The following CYP2J2 variants were observed in gnomAD, a reference collection of about 807,000 sequenced individuals.
CYP2J2 encodes cytochrome P450 2J2.
CYP2J2 carries 41 observed loss-of-function variants against 48.8 expected under a neutral mutation model. That is an observed-to-expected ratio of 0.84 (90% CI 0.66 to 1.09). The LOEUF is 1.09. Among genes scored for constraint, CYP2J2 ranks in the 50% least tolerant of loss-of-function variants. The probability of loss-of-function intolerance (pLI) is 0.00; values close to 1 mark genes in which losing one functional copy is unlikely to be tolerated. For missense variants in CYP2J2, 644 were observed against 617.3 expected (o/e 1.04, Z -0.46); for synonymous variants, 221 against 227.1 (o/e 0.97, Z 0.24).
chr1:59,901,168 G>A (rs1226168854), intron 7 of CYP2J2, 65 bp from the exon 8 acceptor site: 1 of 1,557,886 alleles, frequency 6.4e-7, no homozygotes. Flanking sequence ...ATGCAGAGGG[G>A]TGGTCATCCT....
chr1:59,959,102 C>T, the CYP2J2 span, among the ~76,000 whole-genome samples: 3 of 152,134 alleles, frequency 2.0e-5, no homozygotes, highest in Non-Finnish European at 4.4e-5. Context: ...AAAGATTTCC[C>T]TCCTGCAATT....
At chr1:59,944,382 C>T in the CYP2J2 span, among the ~76,000 whole-genome samples, 1 of 152,156 alleles carries the variant, frequency 6.6e-6, no homozygotes, top group Non-Finnish European at 1.5e-5. Context: ...GCCACCACGG[C>T]TGGTTAATTT....
chr1:59,915,058 T>G (rs921658586), intron 2 of CYP2J2, among the ~76,000 whole-genome samples: 22 of 152,248 alleles, frequency 1.4e-4, no homozygotes, highest in African/African-American at 5.3e-4. Flanking sequence ...TGTCCAGGCA[T>G]AGTACCTTCC....
chr1:59,903,367 C>A (rs1644337159), intron 7 of CYP2J2, among the ~76,000 whole-genome samples: 1 of 152,204 alleles, frequency 6.6e-6, no homozygotes, highest in African/African-American at 2.4e-5. Flanking sequence ...GGATAGTTGT[C>A]TGCAGAGATC....
the CYP2J2 span, among the ~76,000 whole-genome samples, chr1:59,957,912 T>C: frequency 2.0e-5 from 3 of 152,136 alleles, no homozygotes; most frequent in East Asian, 5.8e-4. Context: ...AATAATGGCA[T>C]TAGCCTTCTG....
chr1:59,905,147 G>T, intron 6 of CYP2J2, 89 bp from the exon 7 acceptor site: 1 of 1,320,036 alleles, frequency 7.6e-7, no homozygotes, highest in Non-Finnish European at 1.0e-6. Flanking sequence ...GTCATCTGTT[G>T]TATTTCAATT....
chr1:59,925,608 A>G lies in CYP2J2; in HGVS notation c.210+929T>C, dbSNP rs11572195. On this transcript the variant is annotated intron_variant, in intron 1 of 8. Coordinates refer to ENST00000371204, the MANE Select transcript of CYP2J2 (RefSeq NM_000775.4). ...ACAGGTTTGGGGGCTTAGTTTTAAC[A>G]TTCTGTGGCTAATTCTGTCACTTAG... Among the ~76,000 whole-genome samples, 318 of 152,322 alleles carry G rather than the reference A, an allele frequency of 2.1e-3. 2 individuals carry two copies. Among genetic ancestry groups the G allele is most frequent in the East Asian group, 0.012 (64 of 5,182 alleles).
At chr1:59,908,479 T>C (rs957349231) in intron 5 of CYP2J2, among the ~76,000 whole-genome samples, 1 of 152,222 alleles carries the variant, frequency 6.6e-6, no homozygotes, top group Admixed American at 6.5e-5. Context: ...TTCACCTTTT[T>C]CTTTCCAATT....
the CYP2J2 span, among the ~76,000 whole-genome samples, chr1:59,948,097 G>T: frequency 6.6e-6 from 1 of 152,000 alleles, no homozygotes; most frequent in African/African-American, 2.4e-5. Context: ...TCTAGTGAAA[G>T]TTGGTGCCCA....
the CYP2J2 span, among the ~76,000 whole-genome samples, chr1:59,952,024 C>T: frequency 6.6e-6 from 1 of 152,122 alleles, no homozygotes; most frequent in Non-Finnish European, 1.5e-5. Flanking sequence ...CTACCCAATA[C>T]AAAGTTCACT....
the CYP2J2 span, among the ~76,000 whole-genome samples, chr1:59,955,088 A>G: frequency 1.3e-5 from 2 of 151,872 alleles, no homozygotes; most frequent in Non-Finnish European, 1.5e-5. Context: ...CAGTGAGCCA[A>G]GATTATGCCA....
the CYP2J2 span, among the ~76,000 whole-genome samples, chr1:59,948,054 T>C: frequency 6.6e-6 from 1 of 152,298 alleles, no homozygotes; most frequent in African/African-American, 2.4e-5. Flanking sequence ...CACAGGATTC[T>C]CTGTCAGGAT....
chr1:59,939,812 C>T, the CYP2J2 span, among the ~76,000 whole-genome samples: 1 of 152,252 alleles, frequency 6.6e-6, no homozygotes, highest in African/African-American at 2.4e-5. Context: ...TCCCATTTTT[C>T]CCTCCTATTT....
At chr1:59,944,097 TTAAG>T in the CYP2J2 span, among the ~76,000 whole-genome samples, 18,924 of 152,162 alleles carry the variant, frequency 0.12, 1,561 homozygotes, top group African/African-American at 0.24. Context: ...TCTTAGCCGT[TTAAG>T]TATGTATAGA....
chr1:59,942,097 A>AT, the CYP2J2 span, among the ~76,000 whole-genome samples: 21 of 152,096 alleles, frequency 1.4e-4, no homozygotes, highest in African/African-American at 4.6e-4. Context: ...TTTGTACCAC[A>AT]TTTTTTGTGA....
upstream of CYP2J2, among the ~76,000 whole-genome samples, chr1:59,929,941 A>G (rs1644595246): frequency 6.6e-6 from 1 of 152,224 alleles, no homozygotes; most frequent in East Asian, 1.9e-4. Flanking sequence ...GATAAATGCA[A>G]AGGAATCCAC....
the CYP2J2 span, among the ~76,000 whole-genome samples, chr1:59,968,859 C>T: frequency 6.6e-6 from 1 of 152,168 alleles, no homozygotes; most frequent in African/African-American, 2.4e-5. Context: ...AGCCGCGGAC[C>T]CTCGCGGTGA....
Position 59,916,023 on chromosome 1 carries a change from T to C in CYP2J2, c.288A>G (p.Leu96=), listed in dbSNP as rs1357818844. Residue 96 remains leucine, a synonymous_variant, in exon 2 of 9, where the codon TTA becomes TTG. Coordinates refer to ENST00000371204, the MANE Select transcript of CYP2J2 (RefSeq NM_000775.4). ...CCATGTGGATAAGGGCTTCTTTGATTAAGGGCAAGCCAGTAATAAGAACTG... is the reference window on the plus strand; with the variant it reads ...CCATGTGGATAAGGGCTTCTTTGATCAAGGGCAAGCCAGTAATAAGAACTG... ...ISAVLITGLP[L]IKEALIHMDQ... The C allele has an allele frequency of 6.2e-7, 1 of 1,614,006 alleles. No individual in the cohort carries two copies.
intron 8 of CYP2J2, among the ~76,000 whole-genome samples, chr1:59,898,761 A>G (rs1488770214): frequency 6.6e-6 from 1 of 152,198 alleles, no homozygotes; most frequent in East Asian, 1.9e-4. Flanking sequence ...ATTTTTAGTT[A>G]TCTTAAATTA....
Sources: gnomAD v4.1 joint callset for allele counts (sites outside exome capture counted in the v4.1 genomes callset) on GRCh38, gnomAD v4.1.1 for gene constraint, MANE v1.5 for transcripts, NCBI Gene and HGNC (gene_info 2026-07-23, HGNC 2026-07-21) for gene names.